The following RPH3A variants were observed in gnomAD, a reference collection of about 807,000 sequenced individuals.
RPH3A encodes the protein rabphilin 3A.
In RPH3A, 48 loss-of-function variants were observed where a neutral mutation model predicts 102.2. The observed-to-expected ratio is 0.47, with a 90% CI of 0.37 to 0.60. RPH3A has a LOEUF of 0.60. Among genes scored for constraint, RPH3A ranks in the 20% least tolerant of loss-of-function variants. The probability of loss-of-function intolerance (pLI) is 0.00; values close to 1 mark genes in which losing one functional copy is unlikely to be tolerated. For synonymous variants in RPH3A, 310 were observed against 324.3 expected, an observed-to-expected ratio of 0.96 and a Z score of 0.47; for missense variants, 781 against 910.1, an observed-to-expected ratio of 0.86 and a Z score of 1.83.
chr12:112,670,869 G>T (rs998151055), intron 1 of RPH3A, among the ~76,000 whole-genome samples: 3 of 152,152 alleles, frequency 2.0e-5, no homozygotes, highest in Non-Finnish European at 4.4e-5. Context: ...AAGACACGAG[G>T]CCAGCCCAGA....
chr12:112,733,071 TC>T (rs1338205698), intron 1 of RPH3A, among the ~76,000 whole-genome samples: 1 of 152,086 alleles, frequency 6.6e-6, no homozygotes, highest in Non-Finnish European at 1.5e-5. Flanking sequence ...CTGGGTCACC[TC>T]CCCTGGCACT....
At chr12:112,877,459 C>CACACACACACACACACACA (rs1555219884) in intron 13 of RPH3A, among the ~76,000 whole-genome samples, 1 of 146,278 alleles carries the variant, frequency 6.8e-6, no homozygotes, top group Admixed American at 6.9e-5. Context: ...CACACACACA[C>CACACACACACACACACACA]CAGTGGCATT....
At chr12:112,687,637 T>C (rs2040276160) in intron 1 of RPH3A, among the ~76,000 whole-genome samples, 1 of 152,210 alleles carries the variant, frequency 6.6e-6, no homozygotes, top group African/African-American at 2.4e-5. Context: ...TTTTCCATCC[T>C]CCACCCAAAC....
In RPH3A at chr12:112,836,519, A is replaced by C. The variant is rs1324668649; in HGVS notation, c.83+17A>C. ...TAAAGAACAGTGAGTATTTTATAAC[A>C]CTTATTTATTTATTTTTTACAAACT... On this transcript the variant is annotated intron_variant, in intron 4 of 21. Transcript: ENST00000389385. 1 of 1,262,776 alleles carries C rather than the reference A, an allele frequency of 7.9e-7. No individual in the cohort carries two copies. The highest frequency in any genetic ancestry group is 1.1e-6 in the Non-Finnish European group (1 of 914,060). 78.2% of individuals were successfully genotyped at this position (1,262,776 alleles called of 1,614,324 possible). A position where few individuals can be genotyped will look rare whatever the true frequency, so the allele number is the denominator to read the frequency against.
chr12:112,670,526 C>G (rs1319901503), intron 1 of RPH3A, among the ~76,000 whole-genome samples: 2 of 152,118 alleles, frequency 1.3e-5, no homozygotes, highest in African/African-American at 4.8e-5. Flanking sequence ...ATGTAGCAGA[C>G]CACCCAAAGT....
chr12:112,640,574 T>G (rs569758051), intron 1 of RPH3A, among the ~76,000 whole-genome samples: 1 of 152,086 alleles, frequency 6.6e-6, no homozygotes, highest in African/African-American at 2.4e-5. Context: ...CCAGTAAATA[T>G]TTTTTGAATT....
intron 5 of RPH3A, among the ~76,000 whole-genome samples, chr12:112,862,246 A>C (rs541314006): frequency 1.1e-3 from 165 of 146,294 alleles, no homozygotes; most frequent in African/African-American, 2.6e-3. Context: ...TCCCCCCCCC[A>C]AAAAAAAAGT....
chr12:112,843,798 G>A (rs2042186976), intron 4 of RPH3A, among the ~76,000 whole-genome samples: 2 of 152,194 alleles, frequency 1.3e-5, no homozygotes, highest in Non-Finnish European at 2.9e-5. Flanking sequence ...GCAAATAAGG[G>A]AGAATTAGGG....
chr12:112,611,807 C>T (rs1357277621), intron 1 of RPH3A, among the ~76,000 whole-genome samples: 1 of 151,426 alleles, frequency 6.6e-6, no homozygotes, highest in Non-Finnish European at 1.5e-5. Flanking sequence ...TCTTATGTAA[C>T]TAGCATTGTC....
At chr12:112,678,269 GAAAGAAAGAAAGAAAGAAAGAAAGAA>G (rs2040196912) in intron 1 of RPH3A, among the ~76,000 whole-genome samples, 5 of 70,620 alleles carry the variant, frequency 7.1e-5, no homozygotes, top group African/African-American at 3.1e-4. Flanking sequence ...AAGAAAGAAA[GAAAGAAAGAAAGAAAGAAAGAAAGAA>G]AGAAAGAAAG....
chr12:112,682,855 C>G (rs2040236876), intron 1 of RPH3A, among the ~76,000 whole-genome samples: 1 of 152,218 alleles, frequency 6.6e-6, no homozygotes, highest in Admixed American at 6.5e-5. Flanking sequence ...CAAGGATTCT[C>G]ATACAAGCTG....
chr12:112,702,813 C>T (rs1011517077), intron 1 of RPH3A, among the ~76,000 whole-genome samples: 1 of 152,202 alleles, frequency 6.6e-6, no homozygotes, highest in African/African-American at 2.4e-5. Context: ...GGACCTGACA[C>T]GTCAAACTGA....
intron 4 of RPH3A, among the ~76,000 whole-genome samples, chr12:112,838,669 A>G (rs2042094419): frequency 6.6e-6 from 1 of 152,188 alleles, no homozygotes; most frequent in African/African-American, 2.4e-5. Context: ...CATTTCCATC[A>G]TCCCACTCCT....
chr12:112,815,141 A>G (rs1205596447), intron 2 of RPH3A, among the ~76,000 whole-genome samples: 2 of 152,122 alleles, frequency 1.3e-5, no homozygotes, highest in South Asian at 2.1e-4. Flanking sequence ...GACAAACCCA[A>G]CCAGAAGCCA....
intron 1 of RPH3A, among the ~76,000 whole-genome samples, chr12:112,596,033 A>T (rs1275740937): frequency 6.6e-6 from 1 of 152,204 alleles, no homozygotes; most frequent in Non-Finnish European, 1.5e-5. Context: ...CCACCATTAA[A>T]ACAGTTATGT....
chr12:112,699,432 G>T (rs1379683853), intron 1 of RPH3A, among the ~76,000 whole-genome samples: 1 of 152,162 alleles, frequency 6.6e-6, no homozygotes, highest in East Asian at 1.9e-4. Context: ...TTCATCCATG[G>T]GAATGCTACT....
At chr12:112,626,611 G>A (rs2135983419) in intron 1 of RPH3A, among the ~76,000 whole-genome samples, 1 of 149,208 alleles carries the variant, frequency 6.7e-6, no homozygotes, top group South Asian at 2.2e-4. Flanking sequence ...ACTGTGGGTG[G>A]GACTGTAAAC....
chr12:112,827,265 T>C (rs1333393401), intron 2 of RPH3A, among the ~76,000 whole-genome samples: 2 of 152,220 alleles, frequency 1.3e-5, no homozygotes, highest in African/African-American at 4.8e-5. Flanking sequence ...CTTTTATAGA[T>C]TTTCCTATTC....
At chr12:112,823,387 A>T (rs757112222) in intron 2 of RPH3A, among the ~76,000 whole-genome samples, 7 of 152,248 alleles carry the variant, frequency 4.6e-5, no homozygotes, top group Non-Finnish European at 8.8e-5. Context: ...AATGAGGATA[A>T]TACCATCTAC....
Sources: gnomAD v4.1 joint callset for allele counts (sites outside exome capture counted in the v4.1 genomes callset) on GRCh38, gnomAD v4.1.1 for gene constraint, MANE v1.5 for transcripts, NCBI Gene and HGNC (gene_info 2026-07-23, HGNC 2026-07-21) for gene names.